The following SAMD8 variants were observed in gnomAD, a reference collection of about 807,000 sequenced individuals.
SAMD8 encodes the protein sterile alpha motif domain containing 8.
In SAMD8, 20 loss-of-function variants were observed where a neutral mutation model predicts 42.0. That is an observed-to-expected ratio of 0.48 (90% CI 0.34 to 0.69). SAMD8 has a LOEUF of 0.69. SAMD8 is among the 30% of genes least tolerant of loss of function. SAMD8 has a pLI of 0.01. For missense variants in SAMD8, 328 were observed against 511.6 expected, an observed-to-expected ratio of 0.64 and a Z score of 3.46; for synonymous variants, 162 against 173.0, an observed-to-expected ratio of 0.94 and a Z score of 0.50.
chr10:75,118,006 A>G (rs1848924511), intron 1 of SAMD8, among the ~76,000 whole-genome samples: 2 of 152,234 alleles, frequency 1.3e-5, no homozygotes, highest in African/African-American at 4.8e-5. Flanking sequence ...GCCTGATAGT[A>G]GAAGTTAGTT....
chr10:75,170,730 A>G (rs1840833030), intron 4 of SAMD8, among the ~76,000 whole-genome samples: 1 of 148,730 alleles, frequency 6.7e-6, no homozygotes. Context: ...CACACAGACC[A>G]TTTTTAAGCA....
At chr10:75,150,321 A>G (rs1201301531) in intron 1 of SAMD8, 193 bp from the exon 2 acceptor site, 5 of 290,086 alleles carry the variant, frequency 1.7e-5, no homozygotes, top group African/African-American at 4.9e-5. Context: ...GGATCTTGCT[A>G]CGTGGCCCAG....
Position 75,150,538 on chromosome 10 carries a change from C to T in SAMD8, c.10C>T (p.Pro4Ser). ...GGCAGCGGAGGAGGAAATGGCAGGT[C>T]CTAATCAACTCTGCATTCGCCGCTG... MAG[P>S]NQLCIRRWTT... The change falls in exon 2 of 6, where the codon CCT becomes TCT. Residue 4 changes from proline to serine, a missense_variant. Transcript: ENST00000542569. The T allele has an allele frequency of 6.2e-7, 1 of 1,612,308 alleles. No homozygotes were observed. Among genetic ancestry groups the T allele is most frequent in the Non-Finnish European group, 8.5e-7 (1 of 1,179,138 alleles).
At chr10:75,104,834 G>A (rs961540109) in intron 1 of SAMD8, among the ~76,000 whole-genome samples, 3 of 151,938 alleles carry the variant, frequency 2.0e-5, no homozygotes, top group Non-Finnish European at 4.4e-5. Flanking sequence ...GCTGCTGAAG[G>A]GCCTCCCTTC....
Position 75,168,620 on chromosome 10 carries a change from C to G in SAMD8, c.754C>G (p.Leu252Val). Residue 252 changes from leucine (L) to valine (V), a missense_variant, in exon 4 of 6, where the codon CTC becomes GTC. Coordinates refer to ENST00000542569, the MANE Select transcript of SAMD8 (RefSeq NM_001174156.2). ...LRCFTMFVTS[L>V]SVPGQHLQCT... ...CTGCTTTACCATGTTTGTGACCTCC[C>G]TCTCCGTGCCAGGACAACACCTGCA... is the stretch of plus-strand genomic sequence containing the variant. 6.2e-7 allele frequency: 1 copy of G among 1,613,728 alleles called. No individual in the cohort carries two copies. The highest frequency in any genetic ancestry group is 1.1e-5 in the South Asian group (1 of 91,070).
intron 1 of SAMD8, among the ~76,000 whole-genome samples, chr10:75,138,903 A>G (rs1263712150): frequency 6.6e-6 from 1 of 151,552 alleles, no homozygotes; most frequent in Non-Finnish European, 1.5e-5. Context: ...TGCAGGAATG[A>G]CTGTTCTCTC....
chr10:75,111,533 G>T, upstream of SAMD8: 1 of 1,232,508 alleles, frequency 8.1e-7, no homozygotes, highest in South Asian at 3.9e-5. Flanking sequence ...GCGCGGCGGT[G>T]ACGGCGGCCG....
rs193204033 is a variant in SAMD8, at chr10:75,152,683, T to C, written c.578+1577T>C. On this transcript the variant is annotated intron_variant, in intron 2 of 5. Coordinates refer to ENST00000542569, the MANE Select transcript of SAMD8 (RefSeq NM_001174156.2). ...GCCTACAAGTTCAAGACTTGCAACATAGCAAGACCCCCATCTCTCCAAAAA... is the reference window on the plus strand; with the variant it reads ...GCCTACAAGTTCAAGACTTGCAACACAGCAAGACCCCCATCTCTCCAAAAA... 1.8e-3 allele frequency among the ~76,000 whole-genome samples: 277 copies of C among 151,930 alleles called. 1 individual carries two copies. Among genetic ancestry groups the C allele is most frequent in the Middle Eastern group, 0.014 (4 of 292 alleles).
At chr10:75,143,384 A>G (rs1011186867) in intron 1 of SAMD8, among the ~76,000 whole-genome samples, 14 of 152,154 alleles carry the variant, frequency 9.2e-5, no homozygotes, top group African/African-American at 3.4e-4. Context: ...TTTGGTGTTC[A>G]TTTCTTTGTG....
At chr10:75,112,820 G>T (rs1039486415) in intron 1 of SAMD8, among the ~76,000 whole-genome samples, 6 of 152,170 alleles carry the variant, frequency 3.9e-5, no homozygotes, top group Admixed American at 1.3e-4. Context: ...ACATGGACTG[G>T]TTCCACTTTC....
chr10:75,136,857 C>G (rs751306970), intron 1 of SAMD8, among the ~76,000 whole-genome samples: 1 of 152,116 alleles, frequency 6.6e-6, no homozygotes, highest in Non-Finnish European at 1.5e-5. Context: ...GAAATCAAAT[C>G]AAAATCACAA....
chr10:75,159,257 CA>C (rs1193610438), intron 2 of SAMD8, among the ~76,000 whole-genome samples: 1 of 151,884 alleles, frequency 6.6e-6, no homozygotes, highest in East Asian at 1.9e-4. Flanking sequence ...GGGGTTTCAC[CA>C]TGTTGGCCAG....
At chr10:75,162,453 C>CAG (rs1169095134) in intron 2 of SAMD8, among the ~76,000 whole-genome samples, 1 of 151,948 alleles carries the variant, frequency 6.6e-6, no homozygotes, top group Non-Finnish European at 1.5e-5. Flanking sequence ...ATTTCGAGAC[C>CAG]AGCCTGACCA....
chr10:75,156,864 T>A (rs1840421578), intron 2 of SAMD8, among the ~76,000 whole-genome samples: 2 of 152,026 alleles, frequency 1.3e-5, no homozygotes, highest in Non-Finnish European at 1.5e-5. Context: ...ATACAGGACA[T>A]TTTTGGGACA....
upstream of SAMD8, among the ~76,000 whole-genome samples, chr10:75,108,835 C>A (rs1464344055): frequency 6.6e-6 from 1 of 152,210 alleles, no homozygotes; most frequent in Non-Finnish European, 1.5e-5. Context: ...GGTGGCCATA[C>A]CTGGTCACTG....
intron 1 of SAMD8, among the ~76,000 whole-genome samples, chr10:75,140,264 C>T (rs1024499230): frequency 4.6e-5 from 7 of 152,114 alleles, no homozygotes; most frequent in South Asian, 2.1e-4. Context: ...ACCACCAAGC[C>T]GGGCTAATTT....
At chr10:75,102,314 A>G (rs945711344) in intron 1 of SAMD8, among the ~76,000 whole-genome samples, 78 of 152,160 alleles carry the variant, frequency 5.1e-4, no homozygotes, top group African/African-American at 1.7e-3. Flanking sequence ...GTGGTGGTGG[A>G]TGCCTGTAGT....
intron 2 of SAMD8, among the ~76,000 whole-genome samples, chr10:75,154,520 A>C (rs940619976): frequency 6.6e-6 from 1 of 152,220 alleles, no homozygotes; most frequent in Non-Finnish European, 1.5e-5. Flanking sequence ...GAGAGGAGAC[A>C]AGAAGCCAGG....
At chr10:75,173,015 G>A (rs1471507261) in intron 4 of SAMD8, among the ~76,000 whole-genome samples, 1 of 152,110 alleles carries the variant, frequency 6.6e-6, no homozygotes, top group Non-Finnish European at 1.5e-5. Flanking sequence ...TTTAATTGTA[G>A]GACAGCCACT....
Sources: gnomAD v4.1 joint callset for allele counts (sites outside exome capture counted in the v4.1 genomes callset) on GRCh38, gnomAD v4.1.1 for gene constraint, MANE v1.5 for transcripts, NCBI Gene and HGNC (gene_info 2026-07-23, HGNC 2026-07-21) for gene names.